Variants in MACROD2 observed in about 807,000 individuals in gnomAD.
MACROD2 encodes the protein ADP-ribose glycohydrolase MACROD2.
A neutral mutation model predicts 70.4 loss-of-function variants in MACROD2; 36 were observed. The ratio of observed to expected loss-of-function variants is 0.51; its 90% CI spans 0.39 to 0.68. The LOEUF (loss-of-function observed/expected upper bound fraction) is 0.68. Among genes scored for constraint, MACROD2 ranks in the 30% least tolerant of loss-of-function variants. The pLI is 0.00. For missense variants in MACROD2, 496 were observed against 538.4 expected (o/e 0.92, Z 0.78); for synonymous variants, 172 against 178.8 (o/e 0.96, Z 0.30).
At chr20:15,975,364 T>C (rs1265810344) in intron 13 of MACROD2, among the ~76,000 whole-genome samples, 1 of 152,078 alleles carries the variant, frequency 6.6e-6, no homozygotes, top group African/African-American at 2.4e-5. Context: ...CATACTTTGA[T>C]GGAAAAATTA....
At chr20:15,581,965 C>A (rs986390668) in intron 8 of MACROD2, among the ~76,000 whole-genome samples, 2 of 151,980 alleles carry the variant, frequency 1.3e-5, no homozygotes, top group Admixed American at 1.3e-4. Context: ...CTACTAAAAA[C>A]ACAAAAATTA....
At chr20:15,006,771 T>C (rs915218662) in intron 5 of MACROD2, among the ~76,000 whole-genome samples, 33 of 152,134 alleles carry the variant, frequency 2.2e-4, no homozygotes, top group African/African-American at 8.0e-4. Context: ...CTGTACAATG[T>C]CTGCTGTTGG....
chr20:15,603,554 T>C (rs1649552158), intron 8 of MACROD2, among the ~76,000 whole-genome samples: 1 of 150,390 alleles, frequency 6.6e-6, no homozygotes, highest in Middle Eastern at 3.4e-3. Flanking sequence ...AATCTATTCA[T>C]AGATAAATTG....
intron 5 of MACROD2, among the ~76,000 whole-genome samples, chr20:14,908,696 C>A (rs2073990422): frequency 1.3e-5 from 2 of 151,890 alleles, no homozygotes; most frequent in African/African-American, 2.4e-5. Flanking sequence ...TCAGAGTGAA[C>A]CCCTGGAGGA....
intron 5 of MACROD2, among the ~76,000 whole-genome samples, chr20:14,821,318 T>C (rs889445694): frequency 6.6e-6 from 1 of 152,128 alleles, no homozygotes; most frequent in African/African-American, 2.4e-5. Flanking sequence ...GAAGTTTACA[T>C]GTTTCCTTTT....
chr20:15,531,861 A>G (rs1221065839), intron 8 of MACROD2, among the ~76,000 whole-genome samples: 1 of 152,174 alleles, frequency 6.6e-6, no homozygotes, highest in Non-Finnish European at 1.5e-5. Context: ...ATTGCATTCT[A>G]TAATAGGGAA....
intron 5 of MACROD2, among the ~76,000 whole-genome samples, chr20:15,037,112 G>A (rs963112923): frequency 3.3e-5 from 5 of 152,128 alleles, no homozygotes; most frequent in Non-Finnish European, 5.9e-5. Context: ...CGATGGGTTA[G>A]TGTGCAGTGG....
At chr20:14,990,497 C>CT (rs577532428) in intron 5 of MACROD2, among the ~76,000 whole-genome samples, 29 of 142,562 alleles carry the variant, frequency 2.0e-4, no homozygotes, top group Admixed American at 2.1e-4. Flanking sequence ...GCTCTGTTTC[C>CT]TTTTTTTTTT....
chr20:15,719,777 C>T (rs2050760238), intron 8 of MACROD2, among the ~76,000 whole-genome samples: 1 of 152,108 alleles, frequency 6.6e-6, no homozygotes, highest in African/African-American at 2.4e-5. Flanking sequence ...TCACCTCAAA[C>T]ATTTATCATT....
intron 8 of MACROD2, among the ~76,000 whole-genome samples, chr20:15,565,459 G>A (rs919150688): frequency 3.3e-5 from 5 of 152,162 alleles, no homozygotes; most frequent in Non-Finnish European, 5.9e-5. Flanking sequence ...GAGTGAGTAG[G>A]TGCATTCACT....
intron 5 of MACROD2, among the ~76,000 whole-genome samples, chr20:14,737,419 T>A (rs1233078851): frequency 6.6e-6 from 1 of 152,186 alleles, no homozygotes; most frequent in Non-Finnish European, 1.5e-5. Context: ...AACATACATG[T>A]GCATGTGTCT....
At chr20:15,044,936 T>A (rs564658100) in intron 5 of MACROD2, among the ~76,000 whole-genome samples, 17 of 152,300 alleles carry the variant, frequency 1.1e-4, no homozygotes, top group African/African-American at 4.1e-4. Context: ...TGTCTAAAAA[T>A]ACATTCAATG....
At chr20:14,166,548 C>G (rs2148721036) in intron 3 of MACROD2, among the ~76,000 whole-genome samples, 1 of 152,238 alleles carries the variant, frequency 6.6e-6, no homozygotes, top group South Asian at 2.1e-4. Flanking sequence ...CAACTGAGCT[C>G]CAATTCTAAT....
At chr20:14,070,214 A>G (rs773962823) in intron 2 of MACROD2, among the ~76,000 whole-genome samples, 7 of 152,238 alleles carry the variant, frequency 4.6e-5, no homozygotes, top group Non-Finnish European at 1.0e-4. Context: ...CACACTAGCT[A>G]CTATTAATTA....
chr20:14,519,431 G>T (rs941572467), intron 4 of MACROD2, among the ~76,000 whole-genome samples: 1 of 151,908 alleles, frequency 6.6e-6, no homozygotes, highest in African/African-American at 2.4e-5. Context: ...ACTTTTCAAA[G>T]AAGACATACA....
intron 17 of MACROD2, among the ~76,000 whole-genome samples, chr20:16,045,219 G>A (rs1438646640): frequency 6.6e-6 from 1 of 152,040 alleles, no homozygotes; most frequent in African/African-American, 2.4e-5. Flanking sequence ...TTGTTACGTT[G>A]AATGAGCTTC....
At chr20:15,708,577 A>G (rs988170943) in intron 8 of MACROD2, among the ~76,000 whole-genome samples, 5 of 152,178 alleles carry the variant, frequency 3.3e-5, no homozygotes, top group Non-Finnish European at 7.3e-5. Flanking sequence ...ACCCTGTTCA[A>G]TAATGCCTCG....
At chr20:15,377,984 G>T (rs945845969) in intron 6 of MACROD2, among the ~76,000 whole-genome samples, 2 of 152,118 alleles carry the variant, frequency 1.3e-5, no homozygotes, top group Non-Finnish European at 2.9e-5. Context: ...ACACACTGGG[G>T]CCTGTCGGTG....
At chr20:14,574,489 G>A (rs1179929108) in intron 4 of MACROD2, among the ~76,000 whole-genome samples, 1 of 151,998 alleles carries the variant, frequency 6.6e-6, no homozygotes. Context: ...AGTGCCTCCT[G>A]CTTAAGTCCT....
Sources: allele counts gnomAD v4.1 joint callset (sites outside exome capture counted in the v4.1 genomes callset), GRCh38; gene constraint gnomAD v4.1.1; transcripts MANE v1.5; gene names NCBI Gene and HGNC (gene_info 2026-07-23, HGNC 2026-07-21).